ZIC4: variants seen among roughly 807,000 people sequenced by gnomAD.
ZIC4 encodes Zic family zinc finger 4.
In ZIC4, 15 loss-of-function variants were observed where a neutral mutation model predicts 28.8. The observed-to-expected ratio is 0.52, with a 90% confidence interval of 0.35 to 0.80. The LOEUF (loss-of-function observed/expected upper bound fraction) is 0.80. Among genes scored for constraint, ZIC4 ranks in the 30% least tolerant of loss-of-function variants. The pLI is 0.01. For missense variants in ZIC4, 512 were observed against 467.1 expected (o/e 1.10, Z -0.89); for synonymous variants, 220 against 198.1 (o/e 1.11, Z -0.93).
intron 4 of ZIC4, 137 bp from the exon 5 acceptor site, chr3:147,388,996 G>A: frequency 1.5e-6 from 1 of 655,648 alleles, no homozygotes; most frequent in East Asian, 2.7e-5. Flanking sequence ...TCCTACTTCA[G>A]GAAGGGGGAC....
chr3:147,395,745 AC>A (rs2087026250), intron 3 of ZIC4, 106 bp downstream of exon 3: 1 of 1,496,046 alleles, frequency 6.7e-7, no homozygotes, highest in Admixed American at 2.2e-5. Context: ...CATGGAAACA[AC>A]CCCAAAATAT....
At chr3:147,400,517 A>G (rs1294119718) in intron 2 of ZIC4, among the ~76,000 whole-genome samples, 4 of 152,164 alleles carry the variant, frequency 2.6e-5, no homozygotes, top group Non-Finnish European at 5.9e-5. Context: ...GGGTCAGTAG[A>G]CCTGCAGGTC....
rs992660817 is a variant in ZIC4 at position 147,405,267 on chromosome 3, C to T, written c.-16+1096G>A. On this transcript the variant is annotated intron_variant, in intron 1 of 4. Coordinates refer to ENST00000383075, the MANE Select transcript of ZIC4 (RefSeq NM_032153.6). ...GGCATTTAGCCCTCCCTTTGAATCA[C>T]CCCTCCCCCAACCTGCAGGCGGCTG... 3 of 1,106,332 alleles carry T rather than the reference C, an allele frequency of 2.7e-6. No individual in the cohort carries two copies. In the East Asian group the frequency reaches 7.8e-5, roughly 29 times the overall value. 68.5% of individuals were successfully genotyped at this position (1,106,332 alleles called of 1,614,324 possible). A position where few individuals can be genotyped will look rare whatever the true frequency, so the allele number is the denominator to read the frequency against.
chr3:147,391,997 C>A (rs1195264197), intron 3 of ZIC4: 37 of 985,336 alleles, frequency 3.8e-5, no homozygotes, highest in Admixed American at 6.1e-5. Context: ...CCTCCAGATA[C>A]GCTCGCCAGT....
intron 2 of ZIC4, among the ~76,000 whole-genome samples, chr3:147,400,693 C>A (rs1187594817): frequency 6.6e-6 from 1 of 152,170 alleles, no homozygotes; most frequent in Admixed American, 6.5e-5. Flanking sequence ...AAATAAGCCC[C>A]AAAGCAGTAT....
At chr3:147,393,799 C>A (rs1340834874) in intron 3 of ZIC4, 1 of 445,230 alleles carries the variant, frequency 2.2e-6, no homozygotes, top group Non-Finnish European at 4.5e-6. Flanking sequence ...TGGAGAGGAG[C>A]TGGGTGGCGG....
At position 147,388,797 on chromosome 3, in the gene ZIC4, C is replaced by A. The variant is rs554679238; in HGVS notation, c.*62G>T. 16 of 768,586 alleles carry A rather than the reference C, an allele frequency of 2.1e-5. 1 individual carries two copies. The South Asian group carries it at 2.1e-4, about 10-fold the overall frequency. 47.6% of individuals were successfully genotyped at this position (768,586 alleles called of 1,614,324 possible). Reference sequence around the variant, plus strand: ...TGCGCGGGCCCTTTGATGTAGCAGGCGCGAGATGCGGGGCGCTCAGCTGCG... The same window carrying A: ...TGCGCGGGCCCTTTGATGTAGCAGGAGCGAGATGCGGGGCGCTCAGCTGCG... On this transcript the variant is annotated 3_prime_UTR_variant, in exon 5 of 5. Transcript: ENST00000383075.
At chr3:147,391,337 G>C in intron 3 of ZIC4, 91 bp from the exon 4 acceptor site, 1 of 1,396,386 alleles carries the variant, frequency 7.2e-7, no homozygotes, top group Non-Finnish European at 9.6e-7. Context: ...TCATTTTCTG[G>C]AAAAGAACTA....
chr3:147,405,289 G>T (rs2087250182), intron 1 of ZIC4: 3 of 1,312,102 alleles, frequency 2.3e-6, no homozygotes, highest in South Asian at 1.5e-5. Flanking sequence ...CCTGCAGGCG[G>T]CTGAGACAGG....
intron 3 of ZIC4, chr3:147,393,612 C>T (rs1020140306): frequency 3.5e-6 from 1 of 285,468 alleles, no homozygotes; most frequent in Non-Finnish European, 6.9e-6. Flanking sequence ...GAACAAAGTT[C>T]GGAAGCTCGG....
intron 1 of ZIC4, 58 bp from the exon 2 acceptor site, chr3:147,402,870 G>T: frequency 7.1e-7 from 1 of 1,416,622 alleles, no homozygotes; most frequent in Non-Finnish European, 1.0e-6. Context: ...CGTCTGTGTG[G>T]CAACATCCTG....
chr3:147,399,822 T>A (rs2087128019), intron 2 of ZIC4, among the ~76,000 whole-genome samples: 1 of 152,094 alleles, frequency 6.6e-6, no homozygotes, highest in South Asian at 2.1e-4. Context: ...CCCAGCATCA[T>A]GCCCAGCTAA....
intron 1 of ZIC4, among the ~76,000 whole-genome samples, chr3:147,404,636 A>T (rs1013713038): frequency 6.6e-6 from 1 of 152,160 alleles, no homozygotes; most frequent in Admixed American, 6.5e-5. Flanking sequence ...AGTCCATAGC[A>T]CATCCTGGAG....
Position 147,396,259 on chromosome 3 carries a change from G to T in ZIC4, c.281C>A (p.Ala94Asp), listed in dbSNP as rs773811220. Residue 94 changes from alanine (A) to aspartate (D), a missense_variant, in exon 3 of 5, where the codon GCC becomes GAC. This residue lies in a region of ZIC4 where 310 missense variants were observed against 256.5 expected (regional missense o/e 1.21). Transcript: ENST00000383075. This position sits in a 1 kb window ranked among gnomAD's most constrained non-coding sequence, Gnocchi z 4.2. Reference sequence around the variant, plus strand: ...GTTCATGCCCCCGTAGCCATGCAGGGCTGCGGCAGCTGCCAGGGCGTCGCT... The same window carrying T: ...GTTCATGCCCCCGTAGCCATGCAGGTCTGCGGCAGCTGCCAGGGCGTCGCT... ...ARSDALAAAA[A>D]LHGYGGMNLT... 5.0e-6 allele frequency: 8 copies of T among 1,611,844 alleles called. No homozygotes were observed. In the Admixed American group the frequency reaches 1.2e-4, roughly 24 times the overall value.
At chr3:147,403,770 T>C (rs2087217212) in intron 1 of ZIC4, 1 of 532,632 alleles carries the variant, frequency 1.9e-6, no homozygotes, top group African/African-American at 1.9e-5. Context: ...GTTGTTTAAC[T>C]TGTTGAACCA....
At position 147,388,719 on chromosome 3, in the gene ZIC4, T is replaced by C. The variant is rs2086844168; in HGVS notation, c.*140A>G. The C allele has an allele frequency of 1.5e-6, 1 of 674,484 alleles. No homozygotes were observed. Among genetic ancestry groups the C allele is most frequent in the Non-Finnish European group, 2.7e-6 (1 of 369,770 alleles). 41.8% of individuals were successfully genotyped at this position (674,484 alleles called of 1,614,324 possible). A position where few individuals can be genotyped will look rare whatever the true frequency, so the allele number is the denominator to read the frequency against. On this transcript the variant is annotated 3_prime_UTR_variant, in exon 5 of 5. Coordinates refer to ENST00000383075, the MANE Select transcript of ZIC4 (RefSeq NM_032153.6). ...TTTCAGTGCGACTTGCACATTGCCA[T>C]AGAAATCCTAACTTACCATGAAGAT...
At chr3:147,402,844 G>T in intron 1 of ZIC4, 32 bp from the exon 2 acceptor site, 1 of 1,590,858 alleles carries the variant, frequency 6.3e-7, no homozygotes, top group Non-Finnish European at 8.6e-7. Flanking sequence ...ACAGTCACTA[G>T]TTAAACAATT....
intron 1 of ZIC4, chr3:147,404,346 G>A: frequency 7.9e-7 from 1 of 1,258,528 alleles, no homozygotes; most frequent in Non-Finnish European, 1.0e-6. Context: ...AAATATTGCA[G>A]AGATTGGACT....
At position 147,396,357 on chromosome 3, in the gene ZIC4, T is replaced by C. The variant is rs767617117; in HGVS notation, c.183A>G (p.Gly61=). 3 of 1,556,302 alleles carry C rather than the reference T, an allele frequency of 1.9e-6. No homozygotes were observed. Among genetic ancestry groups the C allele is most frequent in the Non-Finnish European group, 2.6e-6 (3 of 1,154,624 alleles). The part of the protein sequence containing the change: ...PQASPSRPLN[G]LLRLGLPGDM... ...CTCCAGGGAGCCCCAGACGCAGGAG[T>C]CCATTCAAAGGACGGCTGGGGGAGG... The change falls in exon 3 of 5, where the codon GGA becomes GGG. Residue 61 remains glycine (G), a synonymous_variant. Coordinates refer to ENST00000383075, the MANE Select transcript of ZIC4 (RefSeq NM_032153.6). The surrounding 1 kb of genome is among the most constrained non-coding windows in gnomAD (Gnocchi z 4.2).
Sources: allele counts gnomAD v4.1 joint callset (sites outside exome capture counted in the v4.1 genomes callset), GRCh38; gene constraint gnomAD v4.1.1; regional missense constraint gnomAD v4.1.1; non-coding constraint Gnocchi (gnomAD v3.1); transcripts MANE v1.5; gene names NCBI Gene and HGNC (gene_info 2026-07-23, HGNC 2026-07-21).